Variants in MAF observed in about 807,000 individuals in gnomAD.
MAF encodes MAF bZIP transcription factor.
In MAF, 10 loss-of-function variants were observed where a neutral mutation model predicts 22.0. The ratio of observed to expected loss-of-function variants is 0.45; its 90% CI spans 0.28 to 0.77. MAF has a LOEUF of 0.77. Ranked by LOEUF, MAF falls within the 30% of genes least tolerant of loss-of-function variation. The pLI, the probability that MAF is intolerant of heterozygous loss-of-function variation, is 0.12. For missense variants in MAF, 544 were observed against 548.4 expected (o/e 0.99, Z 0.08); for synonymous variants, 337 against 255.8 (o/e 1.32, Z -3.03).
At chr16:79,359,958 T>C in the MAF span, among the ~76,000 whole-genome samples, 1 of 152,134 alleles carries the variant, frequency 6.6e-6, no homozygotes, top group Non-Finnish European at 1.5e-5. Context: ...TTGCCATTCA[T>C]GGGTGAATGC....
At chr16:79,364,986 T>A in the MAF span, among the ~76,000 whole-genome samples, 16 of 152,220 alleles carry the variant, frequency 1.1e-4, no homozygotes, top group South Asian at 2.5e-3. Flanking sequence ...GGAAGGGAAG[T>A]GTTTGTAGAG....
At chr16:79,487,743 G>A in the MAF span, among the ~76,000 whole-genome samples, 2 of 152,132 alleles carry the variant, frequency 1.3e-5, no homozygotes, top group Admixed American at 6.5e-5. Flanking sequence ...TCTCAACTTC[G>A]GAGACTACAT....
At chr16:79,405,538 C>A in the MAF span, among the ~76,000 whole-genome samples, 1 of 152,172 alleles carries the variant, frequency 6.6e-6, no homozygotes, top group Non-Finnish European at 1.5e-5. Context: ...GCTCTCTTGT[C>A]CCAGGGAGGA....
At chr16:79,373,359 C>CTTTTTTTTTTTTTTTTT in the MAF span, among the ~76,000 whole-genome samples, 2 of 33,326 alleles carry the variant, frequency 6.0e-5, 1 homozygote, top group Non-Finnish European at 1.2e-4. Flanking sequence ...GGACTGGTAG[C>CTTTTTTTTTTTTTTTTT]TTTTTTTTTT....
chr16:79,304,442 T>A, the MAF span, among the ~76,000 whole-genome samples: 1 of 152,330 alleles, frequency 6.6e-6, no homozygotes, highest in South Asian at 2.1e-4. Context: ...AGTCTTTTTT[T>A]AAAAAATAGA....
chr16:79,568,399 G>A, the MAF span, among the ~76,000 whole-genome samples: 1 of 152,156 alleles, frequency 6.6e-6, no homozygotes, highest in Non-Finnish European at 1.5e-5. Context: ...CTGGAAAATG[G>A]GAAGGCCTGT....
chr16:79,569,899 C>G, the MAF span, among the ~76,000 whole-genome samples: 1 of 152,034 alleles, frequency 6.6e-6, no homozygotes, highest in South Asian at 2.1e-4. Context: ...TTGACGTTGG[C>G]TTCATGATCC....
chr16:79,303,889 T>C, the MAF span, among the ~76,000 whole-genome samples: 5 of 152,314 alleles, frequency 3.3e-5, no homozygotes, highest in Admixed American at 2.0e-4. Context: ...AATCAACTTA[T>C]GTCATGTCAA....
the MAF span, among the ~76,000 whole-genome samples, chr16:79,391,748 G>A: frequency 5.3e-5 from 8 of 152,150 alleles, no homozygotes; most frequent in Non-Finnish European, 5.9e-5. Flanking sequence ...CAGGCTTTCT[G>A]TCCTAATTGC....
At chr16:79,496,359 T>C in the MAF span, among the ~76,000 whole-genome samples, 1 of 152,196 alleles carries the variant, frequency 6.6e-6, no homozygotes, top group Non-Finnish European at 1.5e-5. Context: ...TAGGCAGCCA[T>C]CATTTCAGAG....
the MAF span, among the ~76,000 whole-genome samples, chr16:79,401,436 C>T: frequency 4.5e-3 from 685 of 152,268 alleles, 7 homozygotes; most frequent in African/African-American, 0.016. Context: ...CCCAGAGTCA[C>T]ACAGTCTTCA....
the MAF span, among the ~76,000 whole-genome samples, chr16:79,240,315 C>A: frequency 6.6e-6 from 1 of 150,992 alleles, no homozygotes; most frequent in African/African-American, 2.4e-5. Flanking sequence ...TGCCCGATTG[C>A]CCTTTCTTCT....
At chr16:79,246,545 GGGGT>G in the MAF span, among the ~76,000 whole-genome samples, 1 of 138,294 alleles carries the variant, frequency 7.2e-6, no homozygotes, top group Admixed American at 7.1e-5. Context: ...TTTTTTGGGG[GGGGT>G]GTGGGGGTGT....
At chr16:79,347,077 G>C in the MAF span, among the ~76,000 whole-genome samples, 1 of 152,210 alleles carries the variant, frequency 6.6e-6, no homozygotes, top group Non-Finnish European at 1.5e-5. Flanking sequence ...CCTAGTAGGG[G>C]ATCTGGCACG....
At chr16:79,517,012 A>T in the MAF span, among the ~76,000 whole-genome samples, 9 of 152,148 alleles carry the variant, frequency 5.9e-5, no homozygotes, top group South Asian at 2.1e-4. Flanking sequence ...CTGTGAATGG[A>T]ACCCCAAGTT....
the MAF span, among the ~76,000 whole-genome samples, chr16:79,255,111 A>G: frequency 2.0e-5 from 3 of 152,198 alleles, no homozygotes; most frequent in Admixed American, 2.0e-4. Flanking sequence ...ACCAAGGGCT[A>G]AATTGTCTCC....
chr16:79,596,658 A>C, intron 1 of MAF: 3 of 1,037,806 alleles, frequency 2.9e-6, no homozygotes, highest in Non-Finnish European at 3.5e-6. Context: ...TTTTATATTT[A>C]TTGTGGTAAG....
At chr16:79,457,611 T>C in the MAF span, among the ~76,000 whole-genome samples, 1 of 152,196 alleles carries the variant, frequency 6.6e-6, no homozygotes, top group Non-Finnish European at 1.5e-5. Context: ...ATTATACATG[T>C]GTACATATAC....
At chr16:79,400,714 G>A in the MAF span, among the ~76,000 whole-genome samples, 2 of 152,236 alleles carry the variant, frequency 1.3e-5, no homozygotes, top group Admixed American at 1.3e-4. Flanking sequence ...CTGCCTGCAA[G>A]GCGATTTGAT....
Sources: allele counts gnomAD v4.1 joint callset (sites outside exome capture counted in the v4.1 genomes callset), GRCh38; gene constraint gnomAD v4.1.1; transcripts MANE v1.5; gene names NCBI Gene and HGNC (gene_info 2026-07-23, HGNC 2026-07-21).